Variants in SP3 observed in about 807,000 individuals in gnomAD.
The protein encoded by SP3 is transcription factor Sp3.
SP3 carries 10 observed loss-of-function variants against 70.3 expected under a neutral mutation model. The ratio of observed to expected loss-of-function variants is 0.14; its 90% CI spans 0.09 to 0.24. SP3 has a LOEUF of 0.24. SP3 is among the 10% of genes least tolerant of loss of function. SP3 has a pLI of 1.00. For missense variants in SP3, 825 were observed against 914.6 expected (o/e 0.90, Z 1.26); for synonymous variants, 402 against 333.5 (o/e 1.21, Z -2.24).
At chr2:173,959,250 C>A (rs1192457575) in intron 3 of SP3, among the ~76,000 whole-genome samples, 1 of 151,456 alleles carries the variant, frequency 6.6e-6, no homozygotes, top group African/African-American at 2.4e-5. Flanking sequence ...AATCAAATTT[C>A]TTTGTAAAAG....
At chr2:173,930,511 C>T (rs1690038286) in intron 4 of SP3, among the ~76,000 whole-genome samples, 1 of 152,320 alleles carries the variant, frequency 6.6e-6, no homozygotes, top group East Asian at 1.9e-4. Flanking sequence ...GCAAACTAAC[C>T]AATTATTTTC....
Position 173,963,779 on chromosome 2 carries a change from G to GGCCCCGGCTGCGGCGGCC in SP3, c.243_260dup (p.Ala82_Ala87dup). The stretch of plus-strand genomic sequence containing the variant: ...GACTTACCGCTCCGGCGGCGGCGGG[G>GGCCCCGGCTGCGGCGGCC]GCCCCGGCTGCGGCGGCCGCCTCCT... On this transcript the variant is annotated inframe_insertion, in exon 3 of 7. Coordinates refer to ENST00000310015, the MANE Select transcript of SP3 (RefSeq NM_003111.5). The GGCCCCGGCTGCGGCGGCC allele has an allele frequency of 7.3e-7, 1 of 1,361,328 alleles. No individual in the cohort carries two copies. The highest frequency in any genetic ancestry group is 9.6e-7 in the Non-Finnish European group (1 of 1,040,666). The allele number at this position is 1,361,328 out of a possible 1,614,324, so 84.3% of individuals were successfully genotyped here. A position where few individuals can be genotyped will look rare whatever the true frequency, so the allele number is the denominator to read the frequency against.
intron 4 of SP3, among the ~76,000 whole-genome samples, chr2:173,953,751 G>C (rs1191246428): frequency 6.7e-6 from 1 of 148,196 alleles, no homozygotes; most frequent in Non-Finnish European, 1.5e-5. Context: ...CTGTGTGACA[G>C]AGCGAGACTC....
rs1689294906 is a variant in SP3, at chr2:173,905,614, A to AC, written c.*4326dup. ...CATGTTACATGACAATATACATGACACCTTTTTAAAAAATATATTCATATC... is the reference window on the plus strand; with the variant it reads ...CATGTTACATGACAATATACATGACACCCTTTTTAAAAAATATATTCATATC... On this transcript the variant is annotated 3_prime_UTR_variant, in exon 7 of 7. Coordinates refer to ENST00000310015, the MANE Select transcript of SP3 (RefSeq NM_003111.5). Among the ~76,000 whole-genome samples, 1 of 152,160 alleles carries AC rather than the reference A, an allele frequency of 6.6e-6. No individual in the cohort carries two copies. Among genetic ancestry groups the AC allele is most frequent in the African/African-American group, 2.4e-5 (1 of 41,446 alleles).
chr2:173,963,784 C>G lies in SP3; in HGVS notation c.256G>C (p.Gly86Arg). 2.2e-6 allele frequency: 3 copies of G among 1,382,462 alleles called. No individual in the cohort carries two copies. The highest frequency in any genetic ancestry group is 2.8e-6 in the Non-Finnish European group (3 of 1,052,648). 85.6% of individuals were successfully genotyped at this position (1,382,462 alleles called of 1,614,324 possible). Reference sequence around the variant, plus strand: ...ACCGCTCCGGCGGCGGCGGGGGCCCCGGCTGCGGCGGCCGCCTCCTCCTCG... The same window carrying G: ...ACCGCTCCGGCGGCGGCGGGGGCCCGGGCTGCGGCGGCCGCCTCCTCCTCG... ...DDEEEAAAAAGAPAAAGATGD... is the reference protein window; with the variant it reads ...DDEEEAAAAARAPAAAGATGD... The change falls in exon 3 of 7, where the codon GGG becomes CGG. Residue 86 changes from glycine to arginine, a missense_variant. Around this residue, in one of 4 missense-constraint regions of SP3, gnomAD observed 678 missense variants for 651.6 expected, o/e 1.04. Coordinates refer to ENST00000310015, the MANE Select transcript of SP3 (RefSeq NM_003111.5).
chr2:173,961,024 T>C (rs529488502), intron 3 of SP3, among the ~76,000 whole-genome samples: 1 of 152,204 alleles, frequency 6.6e-6, no homozygotes, highest in Non-Finnish European at 1.5e-5. Flanking sequence ...TCCACTAAAG[T>C]AAAAATGAAG....
At chr2:173,928,848 T>C (rs1362602982) in intron 4 of SP3, among the ~76,000 whole-genome samples, 2 of 152,248 alleles carry the variant, frequency 1.3e-5, no homozygotes, top group Non-Finnish European at 2.9e-5. Context: ...CTCCAATTTT[T>C]ACATATTTGA....
rs1170408211 is a variant in SP3 at position 173,900,785 on chromosome 2, G to T, written c.*9156C>A. Among the ~76,000 whole-genome samples the T allele has an allele frequency of 1.3e-5, 2 of 152,140 alleles. No individual in the cohort carries two copies. The highest frequency in any genetic ancestry group is 2.9e-5 in the Non-Finnish European group (2 of 68,022). ...AAGGATGTGTAAGGATTTTCAAAGA[G>T]ACAATAATTTATTTTTAAAAACCAT... On this transcript the variant is annotated 3_prime_UTR_variant, in exon 7 of 7. Coordinates refer to ENST00000310015, the MANE Select transcript of SP3 (RefSeq NM_003111.5).
chr2:173,949,172 A>G (rs1332673351), intron 4 of SP3, among the ~76,000 whole-genome samples: 1 of 152,158 alleles, frequency 6.6e-6, no homozygotes, highest in Non-Finnish European at 1.5e-5. Flanking sequence ...TTTTCAAGCA[A>G]TAGGGTTGGC....
intron 3 of SP3, among the ~76,000 whole-genome samples, chr2:173,958,267 AGT>A (rs1199306208): frequency 2.3e-5 from 3 of 130,578 alleles, no homozygotes; most frequent in Non-Finnish European, 4.8e-5. Context: ...CAGCACCTAA[AGT>A]GTTTTTTTTT....
intron 3 of SP3, among the ~76,000 whole-genome samples, chr2:173,957,684 T>C (rs965957159): frequency 1.3e-5 from 2 of 152,052 alleles, no homozygotes; most frequent in Admixed American, 1.3e-4. Flanking sequence ...GTGAAAGCTA[T>C]AAAAGGTTTA....
At position 173,902,383 on chromosome 2, in the gene SP3, T is replaced by C. The variant is rs1689205988; in HGVS notation, c.*7558A>G. 6.6e-6 allele frequency among the ~76,000 whole-genome samples: 1 copy of C among 152,222 alleles called. No homozygotes were observed. The highest frequency in any genetic ancestry group is 6.5e-5 in the Admixed American group (1 of 15,288). ...CTCCTATAAATGGCTGGTAGGAATA[T>C]AATTTGGTATGCATGTTATGGAGAT... On this transcript the variant is annotated 3_prime_UTR_variant, in exon 7 of 7. Transcript: ENST00000310015.
At position 173,955,486 on chromosome 2, in the gene SP3, C is replaced by T. The variant is rs114051300; in HGVS notation, c.1026G>A (p.Thr342=). ...GTTGTAATATACCTGTACTATCTAT[C>T]GTAACAGGCAACTGTGATGAAGAGG... The part of the protein sequence containing the change: ...PTSSSSQLPV[T]IDSTGILQQN... The change falls in exon 4 of 7, where the codon ACG becomes ACA. Residue 342 remains threonine (T), a synonymous_variant. Transcript: ENST00000310015. 1,587 of 1,613,996 alleles carry T rather than the reference C, an allele frequency of 9.8e-4. 9 individuals are homozygous for T. In the African/African-American group the frequency reaches 0.019, roughly 19 times the overall value.
intron 4 of SP3, among the ~76,000 whole-genome samples, chr2:173,936,933 G>C (rs1690224592): frequency 6.6e-6 from 1 of 151,136 alleles, no homozygotes; most frequent in Non-Finnish European, 1.5e-5. Flanking sequence ...CTGTTCCTCT[G>C]AACTTCTACA....
intron 1 of SP3, chr2:173,964,817 T>C: frequency 2.2e-6 from 1 of 461,584 alleles, no homozygotes; most frequent in South Asian, 3.4e-5. Flanking sequence ...CCCTCTCCTC[T>C]CCTCCCCTTT....
Position 173,905,457 on chromosome 2 carries a change from T to C in SP3, c.*4484A>G, listed in dbSNP as rs973297424. ...CACACATCTAGTAAGTAGCTTAGCATAGATTCAGAAGCAAGAGTTAAAAGG... is the reference window on the plus strand; with the variant it reads ...CACACATCTAGTAAGTAGCTTAGCACAGATTCAGAAGCAAGAGTTAAAAGG... On this transcript the variant is annotated 3_prime_UTR_variant, in exon 7 of 7. Transcript: ENST00000310015. 1.9e-4 allele frequency among the ~76,000 whole-genome samples: 29 copies of C among 152,152 alleles called. No homozygotes were observed. The highest frequency in any genetic ancestry group is 6.8e-4 in the African/African-American group (28 of 41,430).
In SP3 at chr2:173,904,490, G is replaced by A. The variant is rs76608923; in HGVS notation, c.*5451C>T. 3.7e-4 allele frequency among the ~76,000 whole-genome samples: 57 copies of A among 152,312 alleles called. 1 individual carries two copies. The East Asian group carries it at 0.011, about 29-fold the overall frequency. On this transcript the variant is annotated 3_prime_UTR_variant, in exon 7 of 7. Coordinates refer to ENST00000310015, the MANE Select transcript of SP3 (RefSeq NM_003111.5). ...ACCCCAGGAGGATGAAATGCAGATAGTGAAATGCAAGACACTGGAACAAAC... is the reference window on the plus strand; with the variant it reads ...ACCCCAGGAGGATGAAATGCAGATAATGAAATGCAAGACACTGGAACAAAC...
At chr2:173,965,129 G>GGCA (rs775642654) in intron 1 of SP3, 36 bp downstream of exon 1, 67 of 1,546,548 alleles carry the variant, frequency 4.3e-5, no homozygotes, top group Non-Finnish European at 4.7e-5. Context: ...CGGCGGCGGC[G>GGCA]GCAGCAGCAA....
chr2:173,959,871 C>T (rs989840344), intron 3 of SP3, among the ~76,000 whole-genome samples: 3 of 152,186 alleles, frequency 2.0e-5, no homozygotes, highest in Non-Finnish European at 4.4e-5. Flanking sequence ...GTTTACAAAC[C>T]AAATTAAAAA....
Sources: gnomAD v4.1 joint callset for allele counts (sites outside exome capture counted in the v4.1 genomes callset) on GRCh38, gnomAD v4.1.1 for gene constraint, gnomAD v4.1.1 regional missense constraint, MANE v1.5 for transcripts, NCBI Gene and HGNC (gene_info 2026-07-23, HGNC 2026-07-21) for gene names.